The following DNMBP variants were observed in gnomAD, a reference collection of about 807,000 sequenced individuals.
DNMBP encodes the protein dynamin binding protein.
Under a neutral mutation model 150.0 loss-of-function variants are expected in DNMBP, and 87 were observed. That is an observed-to-expected ratio of 0.58 (90% CI 0.49 to 0.69). The LOEUF (loss-of-function observed/expected upper bound fraction) is 0.69, where lower values mean the gene tolerates loss of function less well. Ranked by LOEUF, DNMBP falls within the 30% of genes least tolerant of loss-of-function variation. The pLI, the probability that DNMBP is intolerant of heterozygous loss-of-function variation, is 0.00. For synonymous variants in DNMBP, 711 were observed against 750.4 expected (o/e 0.95, Z 0.86); for missense variants, 1,774 against 1,949.0 (o/e 0.91, Z 1.69).
rs144042959 is a variant in DNMBP at position 99,956,458 on chromosome 10, T to A, written c.1016A>T (p.His339Leu). ...ENTLGVEEQR[H>L]ETSDHEAEEP... is the part of the protein sequence containing the mutation. Reference sequence around the variant, plus strand: ...CTCGGCCTCATGGTCACTGGTTTCATGTCTTTGTTCCTCTACTCCTAAGGT... The same window carrying A: ...CTCGGCCTCATGGTCACTGGTTTCAAGTCTTTGTTCCTCTACTCCTAAGGT... Residue 339 changes from histidine to leucine, a missense_variant, in exon 4 of 17, where the codon CAT becomes CTT. This residue lies in a region of DNMBP where 344 missense variants were observed against 456.6 expected (regional missense o/e 0.75). Coordinates refer to ENST00000324109, the MANE Select transcript of DNMBP (RefSeq NM_015221.4). 1 of 1,614,024 alleles carries A rather than the reference T, an allele frequency of 6.2e-7. No individual in the cohort carries two copies. Among genetic ancestry groups the A allele is most frequent in the Non-Finnish European group, 8.5e-7 (1 of 1,180,026 alleles).
intron 1 of DNMBP, among the ~76,000 whole-genome samples, chr10:99,995,032 G>T (rs12766478): frequency 6.6e-6 from 1 of 151,298 alleles, no homozygotes; most frequent in South Asian, 2.1e-4. Context: ...CTGGGCATGC[G>T]CCACTGTGCC....
Position 99,893,463 on chromosome 10 carries a change from C to T in DNMBP, c.3156+1483G>A, listed in dbSNP as rs577032842. 7.9e-5 allele frequency among the ~76,000 whole-genome samples: 12 copies of T among 152,326 alleles called. No individual in the cohort carries two copies. The South Asian group carries it at 1.2e-3, about 16-fold the overall frequency. ...AAGAACAATGGACCAAGGCCAGGCG[C>T]GGTGGCTCACGCCTGTAATTCCAAC... On this transcript the variant is annotated intron_variant, in intron 11 of 16. Transcript: ENST00000324109.
intron 1 of DNMBP, among the ~76,000 whole-genome samples, chr10:100,007,708 AC>A (rs1165315685): frequency 6.6e-6 from 1 of 152,216 alleles, no homozygotes; most frequent in Admixed American, 6.5e-5. Flanking sequence ...AAAGAACACA[AC>A]TAAAAGTTAA....
At chr10:99,992,061 A>AC (rs1356947817) in intron 1 of DNMBP, among the ~76,000 whole-genome samples, 23 of 151,978 alleles carry the variant, frequency 1.5e-4, no homozygotes, top group African/African-American at 5.3e-4. Flanking sequence ...ACATAGTGAG[A>AC]CCCCATCTCT....
intron 6 of DNMBP, among the ~76,000 whole-genome samples, chr10:99,904,865 T>C (rs780093507): frequency 1.2e-4 from 18 of 152,220 alleles, no homozygotes; most frequent in Non-Finnish European, 2.2e-4. Context: ...ATCTAAGGTA[T>C]AGTACACTAT....
At chr10:99,970,759 T>C (rs1024219609) in intron 2 of DNMBP, among the ~76,000 whole-genome samples, 3 of 151,326 alleles carry the variant, frequency 2.0e-5, no homozygotes, top group Non-Finnish European at 4.4e-5. Context: ...GATCATGACG[T>C]CAGGAGATTG....
chr10:99,989,148 T>C (rs12772390), intron 1 of DNMBP, among the ~76,000 whole-genome samples: 47,908 of 152,204 alleles, frequency 0.31, 7,606 homozygotes, highest in Non-Finnish European at 0.33. Flanking sequence ...TATATCATTA[T>C]GTATATCATT....
At chr10:99,940,002 T>C (rs2040277152) in intron 4 of DNMBP, among the ~76,000 whole-genome samples, 1 of 152,196 alleles carries the variant, frequency 6.6e-6, no homozygotes, top group African/African-American at 2.4e-5. Flanking sequence ...GAAAAACCTC[T>C]GCATTTTTTA....
chr10:99,892,653 C>CAG (rs1223577388), intron 11 of DNMBP, among the ~76,000 whole-genome samples: 1 of 142,882 alleles, frequency 7.0e-6, no homozygotes, highest in African/African-American at 2.6e-5. Context: ...CTAGGAAAAC[C>CAG]AGAGACCTTT....
At chr10:99,914,947 A>G (rs2039944535) in intron 4 of DNMBP, among the ~76,000 whole-genome samples, 1 of 151,442 alleles carries the variant, frequency 6.6e-6, no homozygotes, top group South Asian at 2.1e-4. Context: ...CAAAAAAATT[A>G]GCCTGGTGTG....
At chr10:99,985,526 C>A (rs2040819696) in intron 1 of DNMBP, among the ~76,000 whole-genome samples, 1 of 151,974 alleles carries the variant, frequency 6.6e-6, no homozygotes, top group Non-Finnish European at 1.5e-5. Flanking sequence ...TTTGTAGGGG[C>A]TGTCAGGTGG....
intron 4 of DNMBP, among the ~76,000 whole-genome samples, chr10:99,918,853 C>A (rs907105339): frequency 1.3e-5 from 2 of 152,224 alleles, no homozygotes; most frequent in African/African-American, 4.8e-5. Flanking sequence ...ACCAAATACA[C>A]ATAAATCCTA....
intron 1 of DNMBP, among the ~76,000 whole-genome samples, chr10:100,003,974 G>A (rs1468283722): frequency 1.3e-5 from 2 of 151,902 alleles, no homozygotes; most frequent in Admixed American, 1.3e-4. Flanking sequence ...GCTCATGCCT[G>A]TAATCCAAGC....
chr10:99,926,123 A>C (rs981480799), intron 4 of DNMBP, among the ~76,000 whole-genome samples: 1 of 152,164 alleles, frequency 6.6e-6, no homozygotes, highest in Non-Finnish European at 1.5e-5. Flanking sequence ...TGGAATTTGA[A>C]ACACCAGGTC....
At chr10:100,009,518 T>A (rs1385697053) in intron 1 of DNMBP, among the ~76,000 whole-genome samples, 1 of 152,176 alleles carries the variant, frequency 6.6e-6, no homozygotes, top group Non-Finnish European at 1.5e-5. Flanking sequence ...ATTGCCGGAG[T>A]GGCAGGGCGG....
rs111876875 is a variant in DNMBP, at chr10:99,882,546, T to A, written c.3997+1465A>T. ...CTGCAGTGAGCCAAGATTGTGCCCC[T>A]ACAATCCAGCCTGGGTGACAAAGCT... On this transcript the variant is annotated intron_variant, in intron 15 of 16. Coordinates refer to ENST00000324109, the MANE Select transcript of DNMBP (RefSeq NM_015221.4). Among the ~76,000 whole-genome samples the A allele has an allele frequency of 7.2e-3, 1,093 of 152,258 alleles. 18 individuals are homozygous for A. Among genetic ancestry groups the A allele is most frequent in the African/African-American group, 0.025 (1,019 of 41,544 alleles).
At chr10:99,893,608 C>A (rs936352526) in intron 11 of DNMBP, among the ~76,000 whole-genome samples, 1 of 152,158 alleles carries the variant, frequency 6.6e-6, no homozygotes, top group Non-Finnish European at 1.5e-5. Context: ...GTGGTGTACG[C>A]CTCAGCTACT....
At chr10:99,914,116 G>A in intron 4 of DNMBP, 2 of 1,357,262 alleles carry the variant, frequency 1.5e-6, no homozygotes, top group Non-Finnish European at 1.9e-6. Flanking sequence ...AATCGCGCAA[G>A]TCACCCGGGC....
chr10:99,994,783 TC>T (rs1161743115), intron 1 of DNMBP, among the ~76,000 whole-genome samples: 1 of 152,194 alleles, frequency 6.6e-6, no homozygotes, highest in African/African-American at 2.4e-5. Context: ...TACTGTTAAA[TC>T]CTTTAAACAC....
Sources: gnomAD v4.1 joint callset for allele counts (sites outside exome capture counted in the v4.1 genomes callset) on GRCh38, gnomAD v4.1.1 for gene constraint, gnomAD v4.1.1 regional missense constraint, MANE v1.5 for transcripts, NCBI Gene and HGNC (gene_info 2026-07-23, HGNC 2026-07-21) for gene names.